Variants in ANGPT1 observed in about 807,000 individuals in gnomAD.
ANGPT1 encodes angiopoietin-1.
A neutral mutation model predicts 62.2 loss-of-function variants in ANGPT1; 17 were observed. That is an observed-to-expected ratio of 0.27 (90% CI 0.19 to 0.41). The LOEUF is 0.41. Among genes scored for constraint, ANGPT1 ranks in the 10% least tolerant of loss-of-function variants. The probability of loss-of-function intolerance (pLI) is 1.00; values close to 1 mark genes in which losing one functional copy is unlikely to be tolerated. For missense variants in ANGPT1, 478 were observed against 594.9 expected (o/e 0.80, Z 2.04); for synonymous variants, 199 against 198.9 (o/e 1.00, Z 0.00).
chr8:107,261,609 G>A (rs770663635), intron 8 of ANGPT1, among the ~76,000 whole-genome samples: 1 of 151,868 alleles, frequency 6.6e-6, no homozygotes, highest in Admixed American at 6.6e-5. Context: ...GGAGGCTGAG[G>A]CAGGAGAATG....
intron 2 of ANGPT1, among the ~76,000 whole-genome samples, chr8:107,338,741 G>A (rs1294297232): frequency 6.6e-6 from 1 of 152,176 alleles, no homozygotes; most frequent in African/African-American, 2.4e-5. Context: ...AGATGCACAA[G>A]ATATAACTTT....
At chr8:107,359,476 A>G (rs973934111) in intron 1 of ANGPT1, among the ~76,000 whole-genome samples, 5 of 152,202 alleles carry the variant, frequency 3.3e-5, no homozygotes, top group African/African-American at 1.2e-4. Flanking sequence ...TGTTACCAGA[A>G]CTAAAAATTG....
intron 7 of ANGPT1, among the ~76,000 whole-genome samples, chr8:107,278,921 T>C (rs925767298): frequency 6.6e-6 from 1 of 152,206 alleles, no homozygotes; most frequent in Non-Finnish European, 1.5e-5. Context: ...TTCAAGCATA[T>C]GTTTTAACCT....
chr8:107,479,804 G>A (rs1586358068), intron 1 of ANGPT1, among the ~76,000 whole-genome samples: 1 of 152,082 alleles, frequency 6.6e-6, no homozygotes, highest in African/African-American at 2.4e-5. Context: ...ATTTGATATT[G>A]TGGAATTCAG....
chr8:107,456,165 T>G (rs56340978), intron 1 of ANGPT1, among the ~76,000 whole-genome samples: 2,630 of 152,204 alleles, frequency 0.017, 36 homozygotes, highest in Non-Finnish European at 0.028. Context: ...GTTGTTATGT[T>G]TAAGTCAACC....
At chr8:107,425,692 T>C (rs978306601) in intron 1 of ANGPT1, among the ~76,000 whole-genome samples, 7 of 152,186 alleles carry the variant, frequency 4.6e-5, no homozygotes, top group Admixed American at 3.3e-4. Context: ...AAGTTTCTTC[T>C]CTTTTGGATC....
chr8:107,435,368 T>C (rs1182893244), intron 1 of ANGPT1, among the ~76,000 whole-genome samples: 1 of 152,260 alleles, frequency 6.6e-6, no homozygotes, highest in Non-Finnish European at 1.5e-5. Context: ...TAACAGCTTA[T>C]AGAGACGTTA....
chr8:107,435,990 C>G (rs1811322205), intron 1 of ANGPT1, among the ~76,000 whole-genome samples: 1 of 152,208 alleles, frequency 6.6e-6, no homozygotes, highest in Admixed American at 6.5e-5. Context: ...GCAGTCTCAA[C>G]CTCCTGGGCC....
chr8:107,325,966 T>C (rs181392315), intron 3 of ANGPT1, among the ~76,000 whole-genome samples: 186 of 152,280 alleles, frequency 1.2e-3, no homozygotes, highest in Non-Finnish European at 1.9e-3. Context: ...TTCTGGACAC[T>C]GGCTTGTGGA....
At chr8:107,333,920 G>GAGAA (rs139390488) in intron 3 of ANGPT1, among the ~76,000 whole-genome samples, 1,623 of 138,156 alleles carry the variant, frequency 0.012, 41 homozygotes, top group African/African-American at 0.036. Context: ...AAGAAATAAA[G>GAGAA]AGAAAGAAAG....
intron 7 of ANGPT1, among the ~76,000 whole-genome samples, chr8:107,276,960 T>A (rs770096450): frequency 6.6e-6 from 1 of 152,204 alleles, no homozygotes; most frequent in Non-Finnish European, 1.5e-5. Flanking sequence ...AGAACAAGGC[T>A]TATGATAGAC....
chr8:107,262,194 CA>C (rs1257289504), intron 8 of ANGPT1, among the ~76,000 whole-genome samples: 1 of 151,868 alleles, frequency 6.6e-6, no homozygotes, highest in East Asian at 1.9e-4. Context: ...GACTTGGTCT[CA>C]AAAAAATGAT....
At chr8:107,376,482 A>G (rs1816532702) in intron 1 of ANGPT1, among the ~76,000 whole-genome samples, 1 of 152,208 alleles carries the variant, frequency 6.6e-6, no homozygotes, top group Non-Finnish European at 1.5e-5. Flanking sequence ...TTGCTATTAG[A>G]AAGAACAGAT....
At chr8:107,426,264 T>C (rs888505496) in intron 1 of ANGPT1, among the ~76,000 whole-genome samples, 1 of 152,108 alleles carries the variant, frequency 6.6e-6, no homozygotes, top group Non-Finnish European at 1.5e-5. Flanking sequence ...GCAGCACAGA[T>C]GTCTAAAGTA....
intron 1 of ANGPT1, among the ~76,000 whole-genome samples, chr8:107,385,132 C>T (rs2514866): frequency 0.82 from 125,176 of 152,040 alleles, 51,662 homozygotes; most frequent in East Asian, 0.92. Flanking sequence ...TTTGGAATGT[C>T]GTTTGTTTGT....
At chr8:107,340,593 G>T (rs1815673010) in intron 2 of ANGPT1, among the ~76,000 whole-genome samples, 1 of 151,820 alleles carries the variant, frequency 6.6e-6, no homozygotes, top group African/African-American at 2.4e-5. Context: ...AGGCTGGAAT[G>T]CAGTGGCATG....
chr8:107,325,756 T>C (rs960886694), intron 3 of ANGPT1, among the ~76,000 whole-genome samples: 1 of 152,182 alleles, frequency 6.6e-6, no homozygotes, highest in South Asian at 2.1e-4. Flanking sequence ...AATACTTTTT[T>C]TTTAAATTTT....
chr8:107,313,694 C>T (rs1379678655), intron 4 of ANGPT1, among the ~76,000 whole-genome samples: 7 of 151,776 alleles, frequency 4.6e-5, no homozygotes, highest in East Asian at 1.9e-4. Context: ...CCACCTGCCT[C>T]GGCCTCCCAA....
intron 4 of ANGPT1, among the ~76,000 whole-genome samples, chr8:107,320,481 T>A (rs1021348824): frequency 2.0e-5 from 3 of 152,198 alleles, no homozygotes; most frequent in Admixed American, 6.5e-5. Context: ...CAGCTCAATA[T>A]GAGAATAGAT....
Sources: gnomAD v4.1 joint callset for allele counts (sites outside exome capture counted in the v4.1 genomes callset) on GRCh38, gnomAD v4.1.1 for gene constraint, MANE v1.5 for transcripts, NCBI Gene and HGNC (gene_info 2026-07-23, HGNC 2026-07-21) for gene names.